HECTD4: variants seen among roughly 807,000 people sequenced by gnomAD.
HECTD4 encodes probable E3 ubiquitin-protein ligase HECTD4.
HECTD4 carries 114 observed loss-of-function variants against 471.5 expected under a neutral mutation model. The observed-to-expected ratio is 0.24, with a 90% CI of 0.21 to 0.28. The LOEUF (loss-of-function observed/expected upper bound fraction) is 0.28, where lower values mean the gene tolerates loss of function less well. HECTD4 is among the 10% of genes least tolerant of loss of function. The pLI, the probability that HECTD4 is intolerant of heterozygous loss-of-function variation, is 1.00. For synonymous variants in HECTD4, 2,012 were observed against 2,256.0 expected, an observed-to-expected ratio of 0.89 and a Z score of 3.07; for missense variants, 3,866 against 5,651.5, an observed-to-expected ratio of 0.68 and a Z score of 10.13.
rs2032063005 is a variant in HECTD4, at chr12:112,191,075, C to A, written c.9293-110G>T. On this transcript the variant is annotated intron_variant, in intron 59 of 75. Transcript: ENST00000682272. ...TGTAGAAACAGGGCTGGAGAGCCCACCCACTCATCTGCTCCAGCAGGAGGA... is the reference window on the plus strand; with the variant it reads ...TGTAGAAACAGGGCTGGAGAGCCCAACCACTCATCTGCTCCAGCAGGAGGA... The A allele has an allele frequency of 1.1e-5, 9 of 810,414 alleles. 1 individual carries two copies. In the South Asian group the frequency reaches 1.5e-4, roughly 13 times the overall value. The allele number at this position is 810,414 out of a possible 1,614,324, so 50.2% of individuals were successfully genotyped here.
chr12:112,217,312 C>CACACAG, intron 45 of HECTD4, 117 bp from the exon 46 acceptor site: 1 of 555,596 alleles, frequency 1.8e-6, no homozygotes, highest in Non-Finnish European at 3.0e-6. Context: ...CACACACACA[C>CACACAG]ACACATACAC....
At chr12:112,349,186 G>A (rs942818931) in intron 1 of HECTD4, among the ~76,000 whole-genome samples, 1 of 152,100 alleles carries the variant, frequency 6.6e-6, no homozygotes, top group African/African-American at 2.4e-5. Flanking sequence ...TCAGGAGTTC[G>A]AGACCAGCCT....
intron 1 of HECTD4, among the ~76,000 whole-genome samples, chr12:112,376,870 T>C (rs184559048): frequency 0.011 from 1,662 of 152,182 alleles, 12 homozygotes; most frequent in Non-Finnish European, 0.016. Context: ...CCCAACTCTT[T>C]GGGAGGCGGA....
In HECTD4 at chr12:112,231,635, G is replaced by A. The variant is rs575275148; in HGVS notation, c.6078C>T (p.Ile2026=). 10 of 1,613,740 alleles carry A rather than the reference G, an allele frequency of 6.2e-6. No individual in the cohort carries two copies. Among genetic ancestry groups the A allele is most frequent in the Middle Eastern group, 1.7e-4 (1 of 6,026 alleles). Residue 2026 remains isoleucine (I), a synonymous_variant, in exon 39 of 76, where the codon ATC becomes ATT. Coordinates refer to ENST00000682272, the MANE Select transcript of HECTD4 (RefSeq NM_001388303.1). ...ACTCTACAGGTGGCCCAATGCTGAC[G>A]ATGAGGCCTGACTGTGCCCACTTGG... ...KATKWAQSGL[I]VSIGPPVESI... is the part of the protein sequence containing the mutation.
intron 54 of HECTD4, among the ~76,000 whole-genome samples, chr12:112,201,949 T>A (rs2032441351): frequency 6.6e-6 from 1 of 152,222 alleles, no homozygotes; most frequent in Non-Finnish European, 1.5e-5. Context: ...ACCTTAGAAA[T>A]AACAGAATGA....
chr12:112,304,819 C>T (rs1216598312), intron 7 of HECTD4, among the ~76,000 whole-genome samples: 4 of 152,128 alleles, frequency 2.6e-5, no homozygotes, highest in African/African-American at 9.7e-5. Context: ...AAATAACCTG[C>T]ACAGTTAAAG....
rs141165255 is a variant in HECTD4 at position 112,169,778 on chromosome 12, C to T, written c.12053-120G>A. ...GTCCCTGGACCCCTGCTCCCTCGCT[C>T]GGCCCCCTGTGCCTTCTCTGCCCTC... On this transcript the variant is annotated intron_variant, in intron 69 of 75. Transcript: ENST00000682272. 1,308 of 1,164,348 alleles carry T rather than the reference C, an allele frequency of 1.1e-3. 9 individuals are homozygous for T. In the African/African-American group the frequency reaches 0.015, roughly 13 times the overall value. The allele number at this position is 1,164,348 out of a possible 1,614,324, so 72.1% of individuals were successfully genotyped here.
At chr12:112,380,439 G>A (rs2036866450) in intron 1 of HECTD4, among the ~76,000 whole-genome samples, 1 of 151,830 alleles carries the variant, frequency 6.6e-6, no homozygotes, top group African/African-American at 2.4e-5. Context: ...AGCAAGACTC[G>A]GTCTCGGGGG....
chr12:112,221,164 C>G (rs753438488), intron 44 of HECTD4, among the ~76,000 whole-genome samples: 2 of 151,734 alleles, frequency 1.3e-5, no homozygotes, highest in Non-Finnish European at 2.9e-5. Context: ...TGTTGCCCAG[C>G]ATATAAAAAT....
Position 112,167,856 on chromosome 12 carries a change from C to G in HECTD4, c.12270G>C (p.Ser4090=). ...VCKELQSSSL[S]LLLLCPSSAV... is the part of the protein sequence containing the mutation. ...CTGAGCTGGGGCACAGCAGCAGCAG[C>G]GACAGCGAGGAACTCTGCAGCTCCT... The change falls in exon 71 of 76, where the codon TCG becomes TCC. Residue 4090 remains serine (S), a synonymous_variant. Transcript: ENST00000682272. 1 of 1,613,660 alleles carries G rather than the reference C, an allele frequency of 6.2e-7. No homozygotes were observed. Among genetic ancestry groups the G allele is most frequent in the Non-Finnish European group, 8.5e-7 (1 of 1,179,886 alleles).
rs2030786788 is a variant in HECTD4, at chr12:112,163,486, G to A, written c.12897+56C>T. ...CTGCTGCTGGAGTTGAGGGTGACAG[G>A]GAGGCACGCCTGGGGCTCACCACCT... On this transcript the variant is annotated intron_variant, in intron 74 of 75. Coordinates refer to ENST00000682272, the MANE Select transcript of HECTD4 (RefSeq NM_001388303.1). The surrounding 1 kb of genome is among the most constrained non-coding windows in gnomAD (Gnocchi z 8.2). 7.1e-7 allele frequency: 1 copy of A among 1,400,894 alleles called. No individual in the cohort carries two copies. 86.8% of individuals were successfully genotyped at this position (1,400,894 alleles called of 1,614,324 possible).
In HECTD4 at chr12:112,265,162, C is replaced by T. The variant is rs145807555; in HGVS notation, c.2619+13G>A. 259 of 1,582,990 alleles carry T rather than the reference C, an allele frequency of 1.6e-4. 1 individual carries two copies. In the Middle Eastern group the frequency reaches 2.0e-3, roughly 12 times the overall value. On this transcript the variant is annotated intron_variant, in intron 16 of 75. Transcript: ENST00000682272. ...GATATAATTTTGCTTTCATTAAACA[C>T]ATTTTTACTTACAGGCACAGTTGAA... is the stretch of plus-strand genomic sequence containing the variant.
rs2137009626 is a variant in HECTD4 at position 112,172,869 on chromosome 12, T to G, written c.11595-8A>C. 1 of 1,613,262 alleles carries G rather than the reference T, an allele frequency of 6.2e-7. No individual in the cohort carries two copies. On this transcript the variant is annotated splice_region_variant and splice_polypyrimidine_tract_variant and intron_variant, in intron 66 of 75. Coordinates refer to ENST00000682272, the MANE Select transcript of HECTD4 (RefSeq NM_001388303.1). ...ACATCGATGCATGCGCACCTTGGGG[T>G]GGGGACAGGGGGAGAGGGGCAAAGT...
chr12:112,238,461 A>G (rs1020634972), intron 34 of HECTD4, among the ~76,000 whole-genome samples: 1 of 152,236 alleles, frequency 6.6e-6, no homozygotes, highest in Admixed American at 6.5e-5. Flanking sequence ...AGCCACTTCA[A>G]AAAATATTTG....
chr12:112,192,637 G>A lies in HECTD4; in HGVS notation c.9215C>T (p.Thr3072Ile). 1 of 1,609,718 alleles carries A rather than the reference G, an allele frequency of 6.2e-7. No individual in the cohort carries two copies. The highest frequency in any genetic ancestry group is 1.3e-5 in the African/African-American group (1 of 75,018). Residue 3072 changes from threonine to isoleucine, a missense_variant, in exon 59 of 76, where the codon ACT (threonine) becomes ATT (isoleucine). By Grantham distance (89) the Thr-to-Ile change is moderately conservative. Transcript: ENST00000682272. ...CYPRDASPAN[T>I]GLAPPPTADQ... is the part of the protein sequence containing the mutation. ...AGCGGTGGGGGGAGGTGCAAGCCCA[G>A]TGTTGGCTGGGGACGCGTCCCGCGG... is the stretch of plus-strand genomic sequence containing the variant.
At chr12:112,253,588 G>C (rs2033944561) in intron 22 of HECTD4, among the ~76,000 whole-genome samples, 1 of 152,180 alleles carries the variant, frequency 6.6e-6, no homozygotes, top group Admixed American at 6.5e-5. Context: ...TAAGTAGTTT[G>C]AGGGCCAAAT....
intron 1 of HECTD4, among the ~76,000 whole-genome samples, chr12:112,364,917 T>C (rs1301312556): frequency 6.6e-6 from 1 of 152,184 alleles, no homozygotes; most frequent in East Asian, 1.9e-4. Flanking sequence ...CTAGAAGGCT[T>C]GTGGGGCATA....
At chr12:112,348,454 AG>A (rs1325897469) in intron 1 of HECTD4, among the ~76,000 whole-genome samples, 5 of 152,194 alleles carry the variant, frequency 3.3e-5, no homozygotes, top group African/African-American at 1.2e-4. Flanking sequence ...TATTATGTGG[AG>A]CATAATCCTA....
rs1251750196 is a variant in HECTD4 at position 112,239,787 on chromosome 12, CA to C, written c.5105+93del. On this transcript the variant is annotated intron_variant, in intron 33 of 75. Coordinates refer to ENST00000682272, the MANE Select transcript of HECTD4 (RefSeq NM_001388303.1). The surrounding 1 kb of genome is among the most constrained non-coding windows in gnomAD (Gnocchi z 4.9). ...TATAGCTAGCTCTGGATAATGAAAGCAAAAAATCCAATTTTTAAAATTAAAA... is the reference window on the plus strand; with the variant it reads ...TATAGCTAGCTCTGGATAATGAAAGCAAAAATCCAATTTTTAAAATTAAAA... 1 of 1,273,114 alleles carries C rather than the reference CA, an allele frequency of 7.9e-7. No homozygotes were observed. The highest frequency in any genetic ancestry group is 1.1e-6 in the Non-Finnish European group (1 of 942,360). 78.9% of individuals were successfully genotyped at this position (1,273,114 alleles called of 1,614,324 possible). A position where few individuals can be genotyped will look rare whatever the true frequency, so the allele number is the denominator to read the frequency against.
Sources: allele counts gnomAD v4.1 joint callset (sites outside exome capture counted in the v4.1 genomes callset), GRCh38; gene constraint gnomAD v4.1.1; non-coding constraint Gnocchi (gnomAD v3.1); transcripts MANE v1.5; gene names NCBI Gene and HGNC (gene_info 2026-07-23, HGNC 2026-07-21).